Variants in CTNNA2 observed in about 807,000 individuals in gnomAD.
The protein encoded by CTNNA2 is catenin alpha 2.
CTNNA2 carries 42 observed loss-of-function variants against 101.0 expected under a neutral mutation model. The ratio of observed to expected loss-of-function variants is 0.42; its 90% CI spans 0.32 to 0.54. CTNNA2 has a LOEUF of 0.54. Ranked by LOEUF, CTNNA2 falls within the 20% of genes least tolerant of loss-of-function variation. CTNNA2 has a pLI of 0.14. For synonymous variants in CTNNA2, 450 were observed against 456.4 expected (o/e 0.99, Z 0.18); for missense variants, 871 against 1,223.1 (o/e 0.71, Z 4.29).
chr2:79,915,330 C>T (rs1053241678), intron 7 of CTNNA2, among the ~76,000 whole-genome samples: 1 of 137,954 alleles, frequency 7.2e-6, no homozygotes, highest in Non-Finnish European at 1.5e-5. Flanking sequence ...CACACACACA[C>T]ATTACACTTT....
intron 2 of CTNNA2, among the ~76,000 whole-genome samples, chr2:79,737,772 A>G (rs1671004071): frequency 6.6e-6 from 1 of 152,270 alleles, no homozygotes; most frequent in South Asian, 2.1e-4. Flanking sequence ...TAAGGCTTAG[A>G]CAAACTATAG....
intron 7 of CTNNA2, among the ~76,000 whole-genome samples, chr2:79,963,771 T>C (rs1372590785): frequency 2.0e-5 from 3 of 152,230 alleles, no homozygotes; most frequent in Non-Finnish European, 4.4e-5. Flanking sequence ...CAGTGCTAAA[T>C]GCATCTTACC....
intron 4 of CTNNA2, among the ~76,000 whole-genome samples, chr2:79,484,216 G>A (rs1190762619): frequency 1.3e-5 from 2 of 152,028 alleles, no homozygotes; most frequent in Non-Finnish European, 2.9e-5. Context: ...ACTCCAGCCT[G>A]GGTGACAGAG....
intron 1 of CTNNA2, among the ~76,000 whole-genome samples, chr2:79,541,098 A>G (rs185472853): frequency 5.0e-4 from 76 of 152,228 alleles, no homozygotes; most frequent in African/African-American, 1.3e-3. Flanking sequence ...TAAGTCTGCA[A>G]TGTAACTGTG....
At chr2:79,783,691 A>G (rs747803586) in intron 3 of CTNNA2, among the ~76,000 whole-genome samples, 4 of 151,980 alleles carry the variant, frequency 2.6e-5, no homozygotes, top group African/African-American at 4.8e-5. Flanking sequence ...TCCTCCCTCT[A>G]CTATGTTTCT....
intron 3 of CTNNA2, among the ~76,000 whole-genome samples, chr2:79,778,150 A>G (rs532880940): frequency 4.6e-5 from 7 of 151,976 alleles, no homozygotes; most frequent in African/African-American, 2.4e-5. Flanking sequence ...GAGACCACCC[A>G]GGGCAACATG....
chr2:79,597,943 C>G (rs527561650), intron 1 of CTNNA2, among the ~76,000 whole-genome samples: 4 of 152,306 alleles, frequency 2.6e-5, no homozygotes, highest in African/African-American at 9.6e-5. Context: ...TGTGCTCCAC[C>G]TGTTCATACC....
chr2:79,630,817 C>G (rs1364453557), intron 1 of CTNNA2, among the ~76,000 whole-genome samples: 8 of 152,138 alleles, frequency 5.3e-5, no homozygotes, highest in Non-Finnish European at 1.0e-4. Flanking sequence ...ATGGGTGGGC[C>G]TACAAATTAT....
intron 1 of CTNNA2, chr2:79,633,683 C>T (rs1170756132): frequency 6.6e-6 from 1 of 152,198 alleles, no homozygotes; most frequent in Non-Finnish European, 1.5e-5. Context: ...CCATTTGTTT[C>T]CCTCTGTTTC....
rs557848227 is a variant in CTNNA2 at position 80,079,062 on chromosome 2, A to G, written c.1056+169265A>G. On this transcript the variant is annotated intron_variant, in intron 7 of 18. Transcript: ENST00000402739. ...TTACTCTTCCAGTGAACTGATATAT[A>G]CTTAGTCTCTGCCCTGTGTCTGGGA... Among the ~76,000 whole-genome samples, 6 of 152,222 alleles carry G rather than the reference A, an allele frequency of 3.9e-5. No homozygotes were observed. The East Asian group carries it at 9.7e-4, about 25-fold the overall frequency.
At chr2:79,278,559 T>A (rs1188201303) in intron 2 of CTNNA2, among the ~76,000 whole-genome samples, 1 of 152,050 alleles carries the variant, frequency 6.6e-6, no homozygotes, top group Admixed American at 6.6e-5. Flanking sequence ...TGAAAATGTA[T>A]TACATTATGC....
chr2:80,011,417 G>C (rs539196980), intron 7 of CTNNA2, among the ~76,000 whole-genome samples: 2 of 152,256 alleles, frequency 1.3e-5, no homozygotes, highest in South Asian at 4.2e-4. Context: ...TTTTCTTGCT[G>C]CCTTGGCACA....
At chr2:80,612,717 G>A (rs1698564902) in intron 17 of CTNNA2, among the ~76,000 whole-genome samples, 1 of 151,378 alleles carries the variant, frequency 6.6e-6, no homozygotes, top group Admixed American at 6.6e-5. Context: ...ATCTAATTGT[G>A]TAGACCTGTA....
intron 9 of CTNNA2, among the ~76,000 whole-genome samples, chr2:80,540,066 G>T (rs1691412392): frequency 6.6e-6 from 1 of 151,978 alleles, no homozygotes; most frequent in Non-Finnish European, 1.5e-5. Flanking sequence ...ACATCTTTGG[G>T]GTTGCAATGT....
At chr2:79,885,298 A>C (rs997294637) in intron 6 of CTNNA2, among the ~76,000 whole-genome samples, 2 of 152,176 alleles carry the variant, frequency 1.3e-5, no homozygotes, top group African/African-American at 4.8e-5. Flanking sequence ...TTGTGCCTCC[A>C]TTTCAAATGC....
intron 6 of CTNNA2, among the ~76,000 whole-genome samples, chr2:79,887,082 G>A (rs1485479461): frequency 6.6e-6 from 1 of 152,122 alleles, no homozygotes; most frequent in African/African-American, 2.4e-5. Flanking sequence ...TTCCCAAAAT[G>A]CTGGGATTAC....
intron 6 of CTNNA2, among the ~76,000 whole-genome samples, chr2:79,877,735 T>C (rs1412242117): frequency 1.3e-5 from 2 of 152,174 alleles, no homozygotes. Flanking sequence ...TCTCATATAG[T>C]GAAAATTTAA....
At chr2:80,405,955 C>T (rs1273361868) in intron 8 of CTNNA2, among the ~76,000 whole-genome samples, 2 of 152,158 alleles carry the variant, frequency 1.3e-5, no homozygotes, top group Admixed American at 1.3e-4. Flanking sequence ...AAGGGCAGGG[C>T]TTCTGGATTT....
intron 7 of CTNNA2, among the ~76,000 whole-genome samples, chr2:80,048,133 A>G (rs755678043): frequency 2.6e-4 from 40 of 152,222 alleles, no homozygotes; most frequent in Non-Finnish European, 4.6e-4. Flanking sequence ...TTAAACAACA[A>G]CAACAACAAC....
Sources: gnomAD v4.1 joint callset for allele counts (sites outside exome capture counted in the v4.1 genomes callset) on GRCh38, gnomAD v4.1.1 for gene constraint, MANE v1.5 for transcripts, NCBI Gene and HGNC (gene_info 2026-07-23, HGNC 2026-07-21) for gene names.